Variants in SLMAP observed in about 807,000 individuals in gnomAD.
SLMAP encodes sarcolemma associated protein, also known as sarcolemmal membrane-associated protein.
Under a neutral mutation model 128.8 loss-of-function variants are expected in SLMAP, and 44 were observed. The ratio of observed to expected loss-of-function variants is 0.34; its 90% CI spans 0.27 to 0.44. SLMAP has a LOEUF of 0.44. Ranked by LOEUF, SLMAP falls within the 20% of genes least tolerant of loss-of-function variation. The pLI, the probability that SLMAP is intolerant of heterozygous loss-of-function variation, is 1.00. For missense variants in SLMAP, 787 were observed against 985.3 expected (o/e 0.80, Z 2.69); for synonymous variants, 327 against 348.8 (o/e 0.94, Z 0.70).
intron 6 of SLMAP, among the ~76,000 whole-genome samples, chr3:57,850,840 G>A (rs2094473563): frequency 6.6e-6 from 1 of 151,988 alleles, no homozygotes; most frequent in African/African-American, 2.4e-5. Context: ...TTACCATGTT[G>A]CCCAGGGTGG....
intron 17 of SLMAP, among the ~76,000 whole-genome samples, chr3:57,906,310 C>CTTTTCTT (rs2096548548): frequency 2.1e-5 from 1 of 47,048 alleles, no homozygotes; most frequent in African/African-American, 7.1e-5. Flanking sequence ...CTTTTTTTTT[C>CTTTTCTT]TTTTTTTTTT....
At position 57,927,545 on chromosome 3, in the gene SLMAP, T is replaced by A. The variant is rs562137276; in HGVS notation, c.*256T>A. 41 of 383,702 alleles carry A rather than the reference T, an allele frequency of 1.1e-4. No individual in the cohort carries two copies. Among genetic ancestry groups the A allele is most frequent in the African/African-American group, 8.2e-4 (40 of 48,630 alleles). 23.8% of individuals were successfully genotyped at this position (383,702 alleles called of 1,614,324 possible). ...TCATTGCTTTAAATTATATAAAATG[T>A]ATCTGTCTATAAAGAAGATATAAAA... On this transcript the variant is annotated 3_prime_UTR_variant, in exon 25 of 25. Coordinates refer to ENST00000671191, the MANE Select transcript of SLMAP (RefSeq NM_001377540.1).
intron 4 of SLMAP, among the ~76,000 whole-genome samples, chr3:57,844,543 CA>C: frequency 6.6e-6 from 1 of 151,332 alleles, no homozygotes; most frequent in East Asian, 1.9e-4. Context: ...TACTTATATC[CA>C]GGGTAGTTTT....
intron 5 of SLMAP, 134 bp downstream of exon 5, chr3:57,847,367 G>A (rs2094305078): frequency 8.6e-6 from 5 of 578,806 alleles, no homozygotes; most frequent in Admixed American, 6.4e-5. Flanking sequence ...TAGCTATATA[G>A]TTATTATAAT....
intron 3 of SLMAP, among the ~76,000 whole-genome samples, chr3:57,833,231 C>T (rs2093440852): frequency 1.3e-5 from 2 of 152,262 alleles, no homozygotes; most frequent in South Asian, 4.1e-4. Flanking sequence ...TTTTAATATG[C>T]TAACATATAT....
intron 17 of SLMAP, chr3:57,899,266 G>C (rs1356460366): frequency 1.3e-5 from 2 of 152,148 alleles, no homozygotes; most frequent in African/African-American, 2.4e-5. Context: ...TGGGAAGTCA[G>C]ACTCAAGGAA....
At chr3:57,871,848 T>C (rs1215667040) in intron 14 of SLMAP, 150 bp downstream of exon 14, 19 of 565,872 alleles carry the variant, frequency 3.4e-5, no homozygotes, top group Non-Finnish European at 5.6e-5. Flanking sequence ...TTCATAACTA[T>C]TTGTCTTTTG....
chr3:57,881,859 C>T (rs952310354), intron 14 of SLMAP, among the ~76,000 whole-genome samples: 1 of 152,038 alleles, frequency 6.6e-6, no homozygotes, highest in Admixed American at 6.6e-5. Context: ...TAGCCAGGAG[C>T]AGTGATTAAT....
At chr3:57,868,452 G>A (rs1209173023) in intron 13 of SLMAP, among the ~76,000 whole-genome samples, 3 of 151,430 alleles carry the variant, frequency 2.0e-5, no homozygotes, top group Admixed American at 6.6e-5. Context: ...TTAGTGAGGT[G>A]TGGTGGCATG....
intron 2 of SLMAP, among the ~76,000 whole-genome samples, chr3:57,810,106 T>C (rs2090680994): frequency 6.6e-6 from 1 of 151,824 alleles, no homozygotes; most frequent in Non-Finnish European, 1.5e-5. Context: ...GCTCCAAGCT[T>C]CCAGGTGCCA....
At chr3:57,782,673 A>G (rs1484814993) in intron 2 of SLMAP, among the ~76,000 whole-genome samples, 1 of 152,010 alleles carries the variant, frequency 6.6e-6, no homozygotes, top group Non-Finnish European at 1.5e-5. Context: ...GGGTTTTGCC[A>G]TATTGTCCAG....
intron 2 of SLMAP, among the ~76,000 whole-genome samples, chr3:57,815,529 C>T (rs1458375177): frequency 6.6e-6 from 1 of 151,842 alleles, no homozygotes; most frequent in African/African-American, 2.4e-5. Flanking sequence ...TTTATGATAA[C>T]CATTTATTAT....
intron 2 of SLMAP, among the ~76,000 whole-genome samples, chr3:57,765,193 A>G (rs1401884318): frequency 6.6e-6 from 1 of 152,200 alleles, no homozygotes; most frequent in Non-Finnish European, 1.5e-5. Flanking sequence ...AATCCACTGC[A>G]CTGCAGCCTT....
intron 13 of SLMAP, among the ~76,000 whole-genome samples, chr3:57,869,636 A>ATATATATATATTATATATAT (rs1172833490): frequency 8.0e-6 from 1 of 124,374 alleles, no homozygotes; most frequent in Middle Eastern, 3.5e-3. Flanking sequence ...TCTATTATAT[A>ATATATATATATTATATATAT]TATATATATA....
At chr3:57,873,660 T>TA (rs2095535688) in intron 14 of SLMAP, among the ~76,000 whole-genome samples, 1 of 152,164 alleles carries the variant, frequency 6.6e-6, no homozygotes, top group African/African-American at 2.4e-5. Flanking sequence ...TGATACCAAC[T>TA]AAAAGAATAT....
intron 2 of SLMAP, among the ~76,000 whole-genome samples, chr3:57,772,160 G>A (rs2081022970): frequency 6.6e-6 from 1 of 152,158 alleles, no homozygotes; most frequent in African/African-American, 2.4e-5. Flanking sequence ...GTCATGTAAG[G>A]GGGACTTGAA....
intron 2 of SLMAP, among the ~76,000 whole-genome samples, chr3:57,811,895 A>G (rs959970971): frequency 2.0e-5 from 3 of 151,976 alleles, no homozygotes; most frequent in Non-Finnish European, 4.4e-5. Flanking sequence ...GTCTATTCCA[A>G]TCCTTTGCCC....
chr3:57,848,699 C>A (rs2094386802), intron 5 of SLMAP, among the ~76,000 whole-genome samples: 1 of 138,890 alleles, frequency 7.2e-6, no homozygotes, highest in Admixed American at 8.5e-5. Flanking sequence ...CTTTCTTCCT[C>A]CTCCTACTCC....
chr3:57,907,128 A>G (rs1243568609), intron 17 of SLMAP, among the ~76,000 whole-genome samples: 1 of 152,170 alleles, frequency 6.6e-6, no homozygotes, highest in African/African-American at 2.4e-5. Flanking sequence ...CTTGTGTTCA[A>G]GCAGTTCTCC....
Sources: allele counts gnomAD v4.1 joint callset (sites outside exome capture counted in the v4.1 genomes callset), GRCh38; gene constraint gnomAD v4.1.1; transcripts MANE v1.5; gene names NCBI Gene and HGNC (gene_info 2026-07-23, HGNC 2026-07-21).